ZNF384: variants seen among roughly 807,000 people sequenced by gnomAD.
ZNF384 encodes CAG repeat protein 1.
In ZNF384, 20 loss-of-function variants were observed where a neutral mutation model predicts 65.0. That is an observed-to-expected ratio of 0.31 (90% CI 0.22 to 0.45). The LOEUF (loss-of-function observed/expected upper bound fraction) is 0.45, where lower values mean the gene tolerates loss of function less well. Among genes scored for constraint, ZNF384 ranks in the 20% least tolerant of loss-of-function variants. The probability of loss-of-function intolerance (pLI) is 1.00; values close to 1 mark genes in which losing one functional copy is unlikely to be tolerated. For missense variants in ZNF384, 549 were observed against 769.4 expected (o/e 0.71, Z 3.39); for synonymous variants, 310 against 303.9 (o/e 1.02, Z -0.21).
At chr12:6,679,301 C>T (rs1355607933) in intron 3 of ZNF384, 118 bp from the exon 4 acceptor site, 1 of 1,227,596 alleles carries the variant, frequency 8.1e-7, no homozygotes, top group Non-Finnish European at 1.2e-6. Flanking sequence ...GCACTTCATA[C>T]CTCTGGCCTT....
chr12:6,671,279 CAAAG>C (rs777180543), intron 9 of ZNF384: 4 of 165,258 alleles, frequency 2.4e-5, no homozygotes, highest in Non-Finnish European at 4.0e-5. Flanking sequence ...GTTATGGTAA[CAAAG>C]AAAAGCAGTT....
rs1227499537 is a variant in ZNF384, at chr12:6,667,908, GC to G, written c.1632del (p.Gln544HisfsTer36). The G allele has an allele frequency of 2.9e-4, 128 of 443,414 alleles. 1 individual carries two copies. In the East Asian group the frequency reaches 0.011, roughly 37 times the overall value. The allele number at this position is 443,414 out of a possible 1,614,324, so 27.5% of individuals were successfully genotyped here. ...QQQQQQQQQQ[Q>X]QQQPPPHFQS... ...TGGAAGTGTGGTGGTGGCTGTTGCTGCTGCTGCTGCTGCTGCTGCTGCTGCT... is the reference window on the plus strand; with the variant it reads ...TGGAAGTGTGGTGGTGGCTGTTGCTGTGCTGCTGCTGCTGCTGCTGCTGCT... On this transcript the variant is annotated frameshift_variant, in exon 12 of 12. Coordinates refer to ENST00000683879, the MANE Select transcript of ZNF384 (RefSeq NM_001385745.1). LOFTEE classifies it high-confidence loss of function.
chr12:6,689,026 T>C (rs1357399095), intron 1 of ZNF384, 72 bp downstream of exon 1: 1 of 151,108 alleles, frequency 6.6e-6, no homozygotes, highest in East Asian at 2.0e-4. Flanking sequence ...CTTCCCCGCC[T>C]GCCCAAGGAA....
At chr12:6,685,089 AAAGT>A (rs1957419491) in intron 2 of ZNF384, among the ~76,000 whole-genome samples, 1 of 152,150 alleles carries the variant, frequency 6.6e-6, no homozygotes, top group Non-Finnish European at 1.5e-5. Context: ...TTGGGAGGCC[AAAGT>A]AAGAGAATCA....
Position 6,667,782 on chromosome 12 carries a change from G to T in ZNF384, c.1759C>A (p.His587Asn). 2 of 1,614,220 alleles carry T rather than the reference G, an allele frequency of 1.2e-6. No homozygotes were observed. The highest frequency in any genetic ancestry group is 1.7e-6 in the Non-Finnish European group (2 of 1,180,048). ...ACAGTGAGGCAGATGTCCTTATGAT[G>T]CTCCGCCGTCTTATACGGGGTCAGG... ...FDLTPYKTAE[H>N]HKDICLTVTT... Residue 587 changes from histidine (H) to asparagine (N), a missense_variant, in exon 12 of 12, where the codon CAT (histidine) becomes AAT (asparagine). Physicochemically the swap from His to Asn is moderately conservative, Grantham distance 68 (BLOSUM62 1). This residue lies in a region of ZNF384 where 136 missense variants were observed against 183.0 expected (regional missense o/e 0.74). Transcript: ENST00000683879.
intron 7 of ZNF384, 62 bp downstream of exon 7, chr12:6,677,105 A>C: frequency 2.2e-6 from 1 of 449,546 alleles, no homozygotes; most frequent in South Asian, 1.7e-5. Flanking sequence ...GGAGGCATAA[A>C]CAGAATTATC....
chr12:6,687,903 C>T (rs1433268426), intron 2 of ZNF384, among the ~76,000 whole-genome samples: 1 of 152,150 alleles, frequency 6.6e-6, no homozygotes, highest in Non-Finnish European at 1.5e-5. Context: ...TCAGTGGCTT[C>T]ACCTGAGCAT....
chr12:6,667,590 C>T lies in ZNF384; in HGVS notation c.*124G>A. 1 of 1,284,712 alleles carries T rather than the reference C, an allele frequency of 7.8e-7. No individual in the cohort carries two copies. The allele number at this position is 1,284,712 out of a possible 1,614,324, so 79.6% of individuals were successfully genotyped here. On this transcript the variant is annotated 3_prime_UTR_variant, in exon 12 of 12. Transcript: ENST00000683879. ...GGTATCCTGTGAAGGAAAGCCGTGA[C>T]AGAGGCCCAAGGAGATGGAGCCAAG...
At chr12:6,676,295 C>A (rs991580320) in intron 7 of ZNF384, among the ~76,000 whole-genome samples, 1 of 151,320 alleles carries the variant, frequency 6.6e-6, no homozygotes, top group Non-Finnish European at 1.5e-5. Context: ...AGCGAGACTC[C>A]GTCTCAAAAA....
rs1952149188 is a variant in ZNF384 at position 6,673,135 on chromosome 12, A to G, written c.1004+81T>C. On this transcript the variant is annotated intron_variant, in intron 8 of 11. Transcript: ENST00000683879. This position sits in a 1 kb window ranked among gnomAD's most constrained non-coding sequence, Gnocchi z 4.7. Reference sequence around the variant, plus strand: ...AAAGGTGAAAGGGAAAGAATAATACATGTGGAGAGAGGAGTAGGTGCAGGC... The same window carrying G: ...AAAGGTGAAAGGGAAAGAATAATACGTGTGGAGAGAGGAGTAGGTGCAGGC... The G allele has an allele frequency of 2.4e-6, 3 of 1,264,976 alleles. No homozygotes were observed. The African/African-American group carries it at 4.4e-5, about 19-fold the overall frequency. 78.4% of individuals were successfully genotyped at this position (1,264,976 alleles called of 1,614,324 possible). A position where few individuals can be genotyped will look rare whatever the true frequency, so the allele number is the denominator to read the frequency against.
intron 11 of ZNF384, among the ~76,000 whole-genome samples, 185 bp from the exon 12 acceptor site, chr12:6,668,300 G>C (rs1186660422): frequency 1.3e-5 from 2 of 152,084 alleles, no homozygotes; most frequent in Non-Finnish European, 2.9e-5. Context: ...AAAAAGAGAG[G>C]AACCTTTAGA....
intron 7 of ZNF384, among the ~76,000 whole-genome samples, chr12:6,674,348 G>A (rs1292826805): frequency 6.6e-6 from 1 of 152,186 alleles, no homozygotes; most frequent in Non-Finnish European, 1.5e-5. Flanking sequence ...AGCAAGTTAA[G>A]CCACAACTAT....
In ZNF384 at chr12:6,672,342, T is replaced by C. The variant is rs1268048821; in HGVS notation, c.1187+8A>G. 2 of 1,612,156 alleles carry C rather than the reference T, an allele frequency of 1.2e-6. No individual in the cohort carries two copies. Among genetic ancestry groups the C allele is most frequent in the Admixed American group, 3.3e-5 (2 of 59,928 alleles). ...GGGCGGGGTCAGTAGCCCGCCACTC[T>C]CCCTTACCGTGTGTGCTGCTGGAGG... On this transcript the variant is annotated splice_region_variant and intron_variant, in intron 9 of 11. Coordinates refer to ENST00000683879, the MANE Select transcript of ZNF384 (RefSeq NM_001385745.1). The surrounding 1 kb of genome is among the most constrained non-coding windows in gnomAD (Gnocchi z 4.4).
chr12:6,669,561 A>G (rs1950709931), intron 10 of ZNF384, among the ~76,000 whole-genome samples: 1 of 150,668 alleles, frequency 6.6e-6, no homozygotes, highest in South Asian at 2.1e-4. Context: ...GTGCAGCGGC[A>G]CAATCTCGGC....
intron 6 of ZNF384, among the ~76,000 whole-genome samples, chr12:6,677,602 T>C (rs1954156330): frequency 6.6e-6 from 1 of 152,308 alleles, no homozygotes; most frequent in Non-Finnish European, 1.5e-5. Flanking sequence ...AAAGTCATTC[T>C]TTAAGTACAT....
At chr12:6,671,966 G>A (rs545099147) in intron 9 of ZNF384, 1 of 178,070 alleles carries the variant, frequency 5.6e-6, no homozygotes, top group Admixed American at 5.7e-5. Flanking sequence ...GGTGCCCTAA[G>A]GGCTAGAGGT....
In ZNF384 at chr12:6,669,193, A is replaced by C; in HGVS notation, c.1267-4T>G. ...TGTTGTGTTGCCGTCTGTGGGACTG[A>C]GAAAATTGGGAGAAACCAGAATGAA... On this transcript the variant is annotated splice_polypyrimidine_tract_variant and splice_region_variant and intron_variant, in intron 10 of 11. Transcript: ENST00000683879. 6.2e-7 allele frequency: 1 copy of C among 1,603,974 alleles called. No homozygotes were observed. Among genetic ancestry groups the C allele is most frequent in the Non-Finnish European group, 8.5e-7 (1 of 1,173,294 alleles).
chr12:6,677,132 G>A (rs1953951677), intron 7 of ZNF384, 35 bp downstream of exon 7: 1 of 562,654 alleles, frequency 1.8e-6, no homozygotes, highest in Non-Finnish European at 3.1e-6. Context: ...TTACAGATGA[G>A]GAAACTGAGG....
At position 6,689,342 on chromosome 12, in the gene ZNF384, C is replaced by T. The variant is rs1306085694; in HGVS notation, c.-310G>A. On this transcript the variant is annotated 5_prime_UTR_variant, in exon 1 of 12. Transcript: ENST00000683879. ...CGCGAGGTAGTGGGTGGCCCCCCCT[C>T]CTTGCTGCCCTCCCCTTGCACTCAC... is the stretch of plus-strand genomic sequence containing the variant. 2.0e-5 allele frequency: 3 copies of T among 152,682 alleles called. No homozygotes were observed. Among genetic ancestry groups the T allele is most frequent in the African/African-American group, 7.2e-5 (3 of 41,464 alleles). The allele number at this position is 152,682 out of a possible 1,614,324, so 9.5% of individuals were successfully genotyped here. A position where few individuals can be genotyped will look rare whatever the true frequency, so the allele number is the denominator to read the frequency against.
Sources: gnomAD v4.1 joint callset for allele counts (sites outside exome capture counted in the v4.1 genomes callset) on GRCh38, gnomAD v4.1.1 for gene constraint, gnomAD v4.1.1 regional missense constraint, Gnocchi (gnomAD v3.1) non-coding constraint, MANE v1.5 for transcripts, NCBI Gene and HGNC (gene_info 2026-07-23, HGNC 2026-07-21) for gene names.